ISLR2: variants seen among roughly 807,000 people sequenced by gnomAD.
The protein encoded by ISLR2 is immunoglobulin superfamily containing leucine-rich repeat protein 2.
ISLR2 carries 16 observed loss-of-function variants against 25.5 expected under a neutral mutation model. The ratio of observed to expected loss-of-function variants is 0.63; its 90% CI spans 0.43 to 0.95. The LOEUF is 0.95. ISLR2 is among the 40% of genes least tolerant of loss of function. The probability of loss-of-function intolerance (pLI) is 0.00; values close to 1 mark genes in which losing one functional copy is unlikely to be tolerated. For synonymous variants in ISLR2, 508 were observed against 486.6 expected (o/e 1.04, Z -0.58); for missense variants, 883 against 1,030.7 (o/e 0.86, Z 1.96).
chr15:74,126,407 T>G (rs1226979977), upstream of ISLR2: 1 of 141,524 alleles, frequency 7.1e-6, no homozygotes, highest in Non-Finnish European at 1.5e-5. Flanking sequence ...CAGGCCGGAA[T>G]GCAGTGGCAC....
At chr15:74,119,345 G>A (rs1183693126) in intron 2 of ISLR2, among the ~76,000 whole-genome samples, 1 of 152,016 alleles carries the variant, frequency 6.6e-6, no homozygotes, top group African/African-American at 2.4e-5. Flanking sequence ...CAAGTAGCTG[G>A]GACCACAGGC....
rs775666741 is a variant in ISLR2 at position 74,133,994 on chromosome 15, G to A, written c.1240G>A (p.Glu414Lys). ...CAACAGCGTCCTGCCTTCCAAACCC[G>A]AGGGCAAAATCAAAGGCCAAGGCCT... The part of the protein sequence containing the change: ...RGNSVLPSKP[E>K]GKIKGQGLAK... The change falls in exon 3 of 3, where the codon GAG (glutamate) becomes AAG (lysine). Residue 414 changes from glutamate to lysine, a missense_variant. Physicochemically the swap from Glu to Lys is moderately conservative, Grantham distance 56. Coordinates refer to ENST00000453268, the MANE Select transcript of ISLR2 (RefSeq NM_020851.3). 1.2e-5 allele frequency: 20 copies of A among 1,612,356 alleles called. No homozygotes were observed. Among genetic ancestry groups the A allele is most frequent in the Non-Finnish European group, 1.5e-5 (18 of 1,179,246 alleles).
At chr15:74,117,543 C>A (rs1463162452) in intron 2 of ISLR2, among the ~76,000 whole-genome samples, 1 of 152,004 alleles carries the variant, frequency 6.6e-6, no homozygotes, top group African/African-American at 2.4e-5. Flanking sequence ...AATAGCCAGG[C>A]ATGGTGGTAC....
chr15:74,110,819 C>T (rs142091910), intron 2 of ISLR2, among the ~76,000 whole-genome samples: 87 of 152,204 alleles, frequency 5.7e-4, no homozygotes, highest in Admixed American at 1.6e-3. Context: ...ATTAGCTGGG[C>T]GTGGTGGCGG....
chr15:74,120,063 C>T (rs2072241133), intron 2 of ISLR2, among the ~76,000 whole-genome samples: 1 of 152,170 alleles, frequency 6.6e-6, no homozygotes, highest in Non-Finnish European at 1.5e-5. Context: ...GACATATTCA[C>T]ACTGTGCCAG....
intron 2 of ISLR2, among the ~76,000 whole-genome samples, chr15:74,109,274 C>T (rs2072147034): frequency 1.3e-5 from 2 of 151,914 alleles, no homozygotes; most frequent in Admixed American, 6.5e-5. Flanking sequence ...AAACAGGCCA[C>T]GCATTGTGAG....
rs2072436552 is a variant in ISLR2, at chr15:74,132,209, T to G, written c.-8-538T>G. On this transcript the variant is annotated intron_variant, in intron 2 of 2. Coordinates refer to ENST00000453268, the MANE Select transcript of ISLR2 (RefSeq NM_020851.3). This position sits in a 1 kb window ranked among gnomAD's most constrained non-coding sequence, Gnocchi z 4.3. ...AGGAAATGTGTTGTGAGCCTCCTAA[T>G]TGAGCATCAGGTCCTCTAAACCCCT... is the stretch of plus-strand genomic sequence containing the variant. Among the ~76,000 whole-genome samples the G allele has an allele frequency of 6.6e-6, 1 of 152,302 alleles. No homozygotes were observed. The highest frequency in any genetic ancestry group is 2.1e-4 in the South Asian group (1 of 4,820).
At chr15:74,115,908 A>C (rs1391945682) in intron 2 of ISLR2, among the ~76,000 whole-genome samples, 1 of 150,440 alleles carries the variant, frequency 6.6e-6, no homozygotes, top group African/African-American at 2.4e-5. Context: ...AAAAAAAAAA[A>C]CAACACAGGC....
downstream of ISLR2, among the ~76,000 whole-genome samples, chr15:74,139,464 C>G (rs190154801): frequency 6.7e-3 from 1,019 of 152,166 alleles, 3 homozygotes; most frequent in Non-Finnish European, 9.0e-3. Flanking sequence ...TTGAATTGTT[C>G]CAGTTCAACT....
At chr15:74,106,057 G>T (rs544130965) in intron 2 of ISLR2, among the ~76,000 whole-genome samples, 1 of 152,268 alleles carries the variant, frequency 6.6e-6, no homozygotes, top group South Asian at 2.1e-4. Context: ...CGGGCTCCAT[G>T]GCTCAGGCCT....
rs780605785 is a variant in ISLR2 at position 74,133,541 on chromosome 15, G to C, written c.787G>C (p.Asp263His). The C allele has an allele frequency of 2.5e-6, 4 of 1,614,124 alleles. No homozygotes were observed. The East Asian group carries it at 6.7e-5, about 27-fold the overall frequency. Residue 263 changes from aspartate to histidine, a missense_variant, in exon 3 of 3, where the codon GAC (aspartate) becomes CAC (histidine). Coordinates refer to ENST00000453268, the MANE Select transcript of ISLR2 (RefSeq NM_020851.3). ...GGCGTTCGTGTTACACTGCATCGCC[G>C]ACGGCCACCCTACGCCTCGCCTGCA... Reference protein sequence around the residue: ...GLAFVLHCIADGHPTPRLQWQ... With the variant: ...GLAFVLHCIAHGHPTPRLQWQ...
downstream of ISLR2, among the ~76,000 whole-genome samples, chr15:74,141,762 T>C (rs1335365357): frequency 1.3e-5 from 2 of 152,166 alleles, no homozygotes; most frequent in African/African-American, 2.4e-5. Context: ...ATTTGCAGGG[T>C]TGAAGTTTGT....
rs4078786 is a variant in ISLR2, at chr15:74,109,562, C to T, written n.228+5648C>T. 3.5e-3 allele frequency among the ~76,000 whole-genome samples: 527 copies of T among 151,828 alleles called. 4 individuals carry two copies. Among genetic ancestry groups the T allele is most frequent in the African/African-American group, 0.012 (499 of 41,348 alleles). On this transcript the variant is annotated intron_variant and non_coding_transcript_variant, in intron 2 of 3. Coordinates refer to the ISLR2 transcript ENST00000561975. The stretch of plus-strand genomic sequence containing the variant: ...GCCCACAGGAGGATTTTAGGCGATA[C>T]GGGGATGAATTGATTTTTACCATTT...
upstream of ISLR2, among the ~76,000 whole-genome samples, chr15:74,124,588 G>A (rs999013173): frequency 2.0e-5 from 3 of 152,078 alleles, no homozygotes; most frequent in Non-Finnish European, 4.4e-5. Flanking sequence ...GTGAAACCCT[G>A]TCTCTACTAA....
At chr15:74,140,609 G>T (rs895776349), downstream of ISLR2, among the ~76,000 whole-genome samples, 2 of 152,230 alleles carry the variant, frequency 1.3e-5, no homozygotes, top group African/African-American at 2.4e-5. Flanking sequence ...TCTGCAGAAA[G>T]CCAAGCCCTA....
chr15:74,135,174 T>C lies in ISLR2; in HGVS notation c.*182T>C. ...GGAGTGGGCCGATTTCACCAGTCCC[T>C]GCTACCCACGGCTGCCATTCTCCCT... On this transcript the variant is annotated 3_prime_UTR_variant, in exon 3 of 3. Coordinates refer to ENST00000453268, the MANE Select transcript of ISLR2 (RefSeq NM_020851.3). 5 of 692,094 alleles carry C rather than the reference T, an allele frequency of 7.2e-6. No individual in the cohort carries two copies. The highest frequency in any genetic ancestry group is 1.2e-5 in the Non-Finnish European group (5 of 409,078). 42.9% of individuals were successfully genotyped at this position (692,094 alleles called of 1,614,324 possible).
At chr15:74,102,535 T>C (rs2072088265) in intron 1 of ISLR2, among the ~76,000 whole-genome samples, 1 of 150,136 alleles carries the variant, frequency 6.7e-6, no homozygotes, top group Admixed American at 6.6e-5. Flanking sequence ...TTAGAGTGCA[T>C]CCTAATCACT....
upstream of ISLR2, chr15:74,126,747 C>G (rs1208394406): frequency 2.0e-5 from 3 of 152,182 alleles, no homozygotes; most frequent in African/African-American, 7.2e-5. Flanking sequence ...ACGCTAGGAC[C>G]TGCCCGCCTG....
At chr15:74,125,144 C>A (rs541887179), upstream of ISLR2, among the ~76,000 whole-genome samples, 276 of 152,274 alleles carry the variant, frequency 1.8e-3, 1 homozygote, top group South Asian at 8.9e-3. Flanking sequence ...TTGGGGAAAC[C>A]AGTCCTGCCT....
Sources: gnomAD v4.1 joint callset for allele counts (sites outside exome capture counted in the v4.1 genomes callset) on GRCh38, gnomAD v4.1.1 for gene constraint, Gnocchi (gnomAD v3.1) non-coding constraint, MANE v1.5 for transcripts, NCBI Gene and HGNC (gene_info 2026-07-23, HGNC 2026-07-21) for gene names.